Variants in GALNTL6 observed in about 807,000 individuals in gnomAD.
GALNTL6 encodes the protein polypeptide N-acetylgalactosaminyltransferase like 6, also known as polypeptide N-acetylgalactosaminyltransferase-like 6.
In GALNTL6, 46 loss-of-function variants were observed where a neutral mutation model predicts 73.7. That is an observed-to-expected ratio of 0.62 (90% CI 0.49 to 0.80). GALNTL6 has a LOEUF of 0.80. GALNTL6 is among the 30% of genes least tolerant of loss of function. The pLI is 0.00. For synonymous variants in GALNTL6, 259 were observed against 263.7 expected (o/e 0.98, Z 0.17); for missense variants, 604 against 755.0 (o/e 0.80, Z 2.34).
chr4:172,993,554 C>T (rs1751634622), intron 10 of GALNTL6, among the ~76,000 whole-genome samples: 1 of 152,206 alleles, frequency 6.6e-6, no homozygotes, highest in Admixed American at 6.5e-5. Flanking sequence ...CCCCACTCAG[C>T]CTCTCATGGC....
chr4:171,911,572 CAT>C (rs1043814213), intron 2 of GALNTL6, among the ~76,000 whole-genome samples: 4 of 152,154 alleles, frequency 2.6e-5, no homozygotes, highest in Admixed American at 2.6e-4. Flanking sequence ...AAGTTAAGCA[CAT>C]AGAGTCTGAT....
chr4:172,102,082 A>C (rs370336918), intron 2 of GALNTL6, among the ~76,000 whole-genome samples: 24 of 152,200 alleles, frequency 1.6e-4, no homozygotes, highest in African/African-American at 5.1e-4. Context: ...GGAAAATATT[A>C]ATGAAATATC....
At position 171,987,002 on chromosome 4, in the gene GALNTL6, C is replaced by A. The variant is rs574472299; in HGVS notation, c.138+172284C>A. ...TGAGTAGTTGAGAACGGTGAATAGGCGTATGACTAGACAGAACATAGTAGG... is the reference window on the plus strand; with the variant it reads ...TGAGTAGTTGAGAACGGTGAATAGGAGTATGACTAGACAGAACATAGTAGG... On this transcript the variant is annotated intron_variant, in intron 2 of 12. Transcript: ENST00000506823. Among the ~76,000 whole-genome samples the A allele has an allele frequency of 4.2e-3, 630 of 149,092 alleles. 3 individuals are homozygous for A. The highest frequency in any genetic ancestry group is 6.5e-3 in the Non-Finnish European group (438 of 67,274).
intron 2 of GALNTL6, among the ~76,000 whole-genome samples, chr4:171,953,970 C>A (rs560417457): frequency 6.6e-6 from 1 of 152,230 alleles, no homozygotes; most frequent in African/African-American, 2.4e-5. Context: ...TACATATTAA[C>A]TGGCATAACA....
At chr4:172,277,629 T>TC (rs1446143896) in intron 3 of GALNTL6, among the ~76,000 whole-genome samples, 3 of 152,196 alleles carry the variant, frequency 2.0e-5, no homozygotes, top group Non-Finnish European at 4.4e-5. Flanking sequence ...TTCAGCCAAG[T>TC]CTCTTTGCAT....
chr4:171,980,614 G>A (rs185233521), intron 2 of GALNTL6, among the ~76,000 whole-genome samples: 1 of 152,272 alleles, frequency 6.6e-6, no homozygotes, highest in Non-Finnish European at 1.5e-5. Context: ...CAATGAAGAA[G>A]GCGACATCAA....
At chr4:172,559,022 A>C (rs1342347188) in intron 5 of GALNTL6, among the ~76,000 whole-genome samples, 1 of 146,340 alleles carries the variant, frequency 6.8e-6, no homozygotes, top group Non-Finnish European at 1.5e-5. Flanking sequence ...AAATTTCCTG[A>C]GATATAAGTG....
At chr4:171,954,867 T>G (rs1025501059) in intron 2 of GALNTL6, among the ~76,000 whole-genome samples, 4 of 152,160 alleles carry the variant, frequency 2.6e-5, no homozygotes. Flanking sequence ...TTGTCTCTCT[T>G]CCTCCTGCTC....
At position 172,552,783 on chromosome 4, in the gene GALNTL6, A is replaced by G. The variant is rs542687679; in HGVS notation, c.553+204094A>G. Among the ~76,000 whole-genome samples, 3 of 39,788 alleles carry G rather than the reference A, an allele frequency of 7.5e-5. No individual in the cohort carries two copies. In the South Asian group the frequency reaches 2.1e-3, roughly 28 times the overall value. The allele number at this position is 39,788 out of a possible 152,430, so 26.1% of individuals were successfully genotyped here. ...GCTTTTTCCTGTAGGGTTACTGATA[A>G]CTAATATCAACGGAGAATATCGTTA... On this transcript the variant is annotated intron_variant, in intron 5 of 12. Transcript: ENST00000506823.
chr4:172,414,346 C>T (rs1303868020), intron 5 of GALNTL6, among the ~76,000 whole-genome samples: 1 of 152,122 alleles, frequency 6.6e-6, no homozygotes, highest in African/African-American at 2.4e-5. Flanking sequence ...CCAAATTCCA[C>T]ATATTTCCAA....
At chr4:171,882,583 C>T (rs1736480602) in intron 2 of GALNTL6, among the ~76,000 whole-genome samples, 1 of 152,132 alleles carries the variant, frequency 6.6e-6, no homozygotes, top group Non-Finnish European at 1.5e-5. Context: ...CCGAGAACCC[C>T]CGGGCAAACT....
At chr4:173,034,392 A>C (rs1753598804) in intron 12 of GALNTL6, among the ~76,000 whole-genome samples, 1 of 152,084 alleles carries the variant, frequency 6.6e-6, no homozygotes. Context: ...CCACCATCTC[A>C]TCATGATGTA....
At chr4:172,356,832 T>A (rs1011449204) in intron 5 of GALNTL6, among the ~76,000 whole-genome samples, 1 of 152,202 alleles carries the variant, frequency 6.6e-6, no homozygotes, top group Non-Finnish European at 1.5e-5. Context: ...ATTTAAAATG[T>A]ACAGTTTTCA....
intron 5 of GALNTL6, among the ~76,000 whole-genome samples, chr4:172,673,500 T>G (rs936583049): frequency 6.6e-6 from 1 of 152,132 alleles, no homozygotes; most frequent in African/African-American, 2.4e-5. Context: ...TTTGTTCCAG[T>G]GCTGAGTTCA....
intron 2 of GALNTL6, among the ~76,000 whole-genome samples, chr4:171,935,389 C>G (rs1738308544): frequency 6.6e-6 from 1 of 152,090 alleles, no homozygotes; most frequent in African/African-American, 2.4e-5. Flanking sequence ...CTATTTGTAG[C>G]CTGATAAACT....
chr4:172,435,626 G>T (rs914097650), intron 5 of GALNTL6, among the ~76,000 whole-genome samples: 2 of 152,148 alleles, frequency 1.3e-5, no homozygotes, highest in Admixed American at 6.6e-5. Flanking sequence ...TCGAGGAAAA[G>T]ATTTTTTTCC....
At chr4:171,873,310 A>G (rs1736187625) in intron 2 of GALNTL6, among the ~76,000 whole-genome samples, 2 of 152,320 alleles carry the variant, frequency 1.3e-5, no homozygotes, top group East Asian at 1.9e-4. Flanking sequence ...TCAATATAGG[A>G]TGATTGAACG....
chr4:172,211,161 T>C (rs1345736781), intron 2 of GALNTL6, among the ~76,000 whole-genome samples: 1 of 152,180 alleles, frequency 6.6e-6, no homozygotes, highest in Non-Finnish European at 1.5e-5. Context: ...GATGCTCCGG[T>C]TTCATCTTGC....
rs1406242023 is a variant in GALNTL6 at position 172,447,012 on chromosome 4, G to A, written c.553+98323G>A. ...CACATATATTCCTACTTGAGGTCCT[G>A]GTAACCCAAAGATTAGTGGGACATA... On this transcript the variant is annotated intron_variant, in intron 5 of 12. Coordinates refer to ENST00000506823, the MANE Select transcript of GALNTL6 (RefSeq NM_001034845.3). Among the ~76,000 whole-genome samples, 3 of 152,058 alleles carry A rather than the reference G, an allele frequency of 2.0e-5. No homozygotes were observed. In the East Asian group the frequency reaches 5.8e-4, roughly 29 times the overall value.
Sources: allele counts gnomAD v4.1 joint callset (sites outside exome capture counted in the v4.1 genomes callset), GRCh38; gene constraint gnomAD v4.1.1; transcripts MANE v1.5; gene names NCBI Gene and HGNC (gene_info 2026-07-23, HGNC 2026-07-21).